Variants in MACC1 observed in about 807,000 individuals in gnomAD.
MACC1 encodes MET transcriptional regulator MACC1.
Under a neutral mutation model 70.7 loss-of-function variants are expected in MACC1, and 79 were observed. That is an observed-to-expected ratio of 1.12 (90% CI 0.93 to 1.35). The LOEUF (loss-of-function observed/expected upper bound fraction) is 1.35. Ranked by LOEUF, MACC1 falls within the 40% of genes most tolerant of loss-of-function variation. The pLI is 0.00. For synonymous variants in MACC1, 361 were observed against 347.2 expected (o/e 1.04, Z -0.44); for missense variants, 1,106 against 978.1 (o/e 1.13, Z -1.74).
chr7:20,202,430 C>G (rs1371868030), intron 1 of MACC1, among the ~76,000 whole-genome samples: 1 of 152,158 alleles, frequency 6.6e-6, no homozygotes, highest in African/African-American at 2.4e-5. Context: ...GTGGTTGATA[C>G]ATTTCATACT....
chr7:20,146,792 T>C (rs564206276), intron 6 of MACC1, among the ~76,000 whole-genome samples: 1 of 152,236 alleles, frequency 6.6e-6, no homozygotes, highest in Admixed American at 6.5e-5. Context: ...GTTAAATTAT[T>C]CTTAACCACA....
At chr7:20,169,334 T>C (rs1782266750) in intron 2 of MACC1, among the ~76,000 whole-genome samples, 1 of 152,234 alleles carries the variant, frequency 6.6e-6, no homozygotes, top group Non-Finnish European at 1.5e-5. Context: ...TGTGTAGTTA[T>C]GGACCTGCAG....
chr7:20,205,599 C>G (rs902932875), intron 1 of MACC1, among the ~76,000 whole-genome samples: 1 of 152,156 alleles, frequency 6.6e-6, no homozygotes, highest in African/African-American at 2.4e-5. Flanking sequence ...TAATATTCTC[C>G]TTATTTTCCT....
chr7:20,165,753 G>A (rs1335792883), intron 2 of MACC1, among the ~76,000 whole-genome samples: 1 of 151,996 alleles, frequency 6.6e-6, no homozygotes, highest in Non-Finnish European at 1.5e-5. Flanking sequence ...ATGAGTAAAT[G>A]AGAATAGAGT....
At chr7:20,157,766 C>CAAAAAA (rs370288319) in intron 5 of MACC1, among the ~76,000 whole-genome samples, 1 of 53,898 alleles carries the variant, frequency 1.9e-5, no homozygotes. Flanking sequence ...GACTTTGTCT[C>CAAAAAA]AAAAAAAAAA....
intron 1 of MACC1, among the ~76,000 whole-genome samples, chr7:20,191,788 G>A (rs548034788): frequency 1.3e-5 from 2 of 152,136 alleles, no homozygotes; most frequent in East Asian, 3.8e-4. Flanking sequence ...AATCTGTGCG[G>A]TATCAGAAAC....
intron 1 of MACC1, among the ~76,000 whole-genome samples, chr7:20,200,899 C>T (rs1302553159): frequency 6.6e-6 from 1 of 152,224 alleles, no homozygotes; most frequent in Non-Finnish European, 1.5e-5. Flanking sequence ...CACTGCTGCA[C>T]ATTTTTAATA....
In MACC1 at chr7:20,159,626, T is replaced by C; in HGVS notation, c.735A>G (p.Glu245=). 6.2e-7 allele frequency: 1 copy of C among 1,614,160 alleles called. No individual in the cohort carries two copies. Among genetic ancestry groups the C allele is most frequent in the South Asian group, 1.1e-5 (1 of 91,076 alleles). ...HVPQGHVAVG[E]FQEVSLRAFL... ...AAGCCCTTAGAGACACCTCTTGGAA[T>C]TCTCCCACAGCCACATGACCTTGGG... The change falls in exon 5 of 7, where the codon GAA becomes GAG. Residue 245 remains glutamate, a synonymous_variant. Coordinates refer to ENST00000400331, the MANE Select transcript of MACC1 (RefSeq NM_182762.4).
intron 1 of MACC1, among the ~76,000 whole-genome samples, chr7:20,196,632 T>C (rs1274555494): frequency 6.6e-6 from 1 of 152,024 alleles, no homozygotes; most frequent in Non-Finnish European, 1.5e-5. Context: ...TATGCATGCA[T>C]GTGTGTATGT....
At chr7:20,165,055 T>C (rs1325538340) in intron 2 of MACC1, among the ~76,000 whole-genome samples, 1 of 152,174 alleles carries the variant, frequency 6.6e-6, no homozygotes, top group Non-Finnish European at 1.5e-5. Context: ...AGCTATGACC[T>C]TGAAGGATCA....
intron 1 of MACC1, among the ~76,000 whole-genome samples, chr7:20,191,498 G>A (rs1273384008): frequency 6.6e-6 from 1 of 152,176 alleles, no homozygotes; most frequent in African/African-American, 2.4e-5. Flanking sequence ...CTCTGTAGGA[G>A]TTGGTGCTAT....
At chr7:20,184,723 C>G (rs1197403209) in intron 1 of MACC1, among the ~76,000 whole-genome samples, 4 of 152,198 alleles carry the variant, frequency 2.6e-5, no homozygotes, top group Non-Finnish European at 4.4e-5. Flanking sequence ...TTAAACAACA[C>G]TCTTTACTCT....
chr7:20,200,591 G>C (rs1782819892), intron 1 of MACC1, among the ~76,000 whole-genome samples: 1 of 152,216 alleles, frequency 6.6e-6, no homozygotes, highest in Non-Finnish European at 1.5e-5. Context: ...GAGAGACAGA[G>C]TGATGTAATT....
At position 20,217,328 on chromosome 7, in the gene MACC1, G is replaced by C. The variant is rs181670505; in HGVS notation, c.-247C>G. On this transcript the variant is annotated 5_prime_UTR_variant, in exon 1 of 7. Transcript: ENST00000400331. ...GTGGAAGTGAGCCCAAGCTTCTTCA[G>C]TTCAGACACATGGTTTTAGTGAATA... 2 of 152,204 alleles carry C rather than the reference G, an allele frequency of 1.3e-5. No homozygotes were observed. Among genetic ancestry groups the C allele is most frequent in the Non-Finnish European group, 2.9e-5 (2 of 68,040 alleles). 9.4% of individuals were successfully genotyped at this position (152,204 alleles called of 1,614,324 possible).
chr7:20,191,082 G>A (rs750292866), intron 1 of MACC1, among the ~76,000 whole-genome samples: 1 of 152,152 alleles, frequency 6.6e-6, no homozygotes, highest in East Asian at 1.9e-4. Flanking sequence ...AAGACTAGCA[G>A]TAACATAGCA....
intron 1 of MACC1, among the ~76,000 whole-genome samples, chr7:20,209,200 G>A (rs1782958452): frequency 6.6e-6 from 1 of 152,242 alleles, no homozygotes; most frequent in African/African-American, 2.4e-5. Context: ...GCACTGCCCA[G>A]TGGAGCTGTG....
chr7:20,182,085 G>T (rs867056079), intron 1 of MACC1, among the ~76,000 whole-genome samples: 1 of 149,356 alleles, frequency 6.7e-6, no homozygotes, highest in African/African-American at 2.5e-5. Flanking sequence ...GCAAACTATC[G>T]CAAGGACAAA....
chr7:20,175,914 T>C (rs748527911), intron 1 of MACC1, among the ~76,000 whole-genome samples: 3 of 152,134 alleles, frequency 2.0e-5, no homozygotes, highest in Non-Finnish European at 4.4e-5. Flanking sequence ...ATTTCCATTG[T>C]AGGCTACAAA....
intron 1 of MACC1, among the ~76,000 whole-genome samples, chr7:20,171,586 GTT>G (rs58352135): frequency 7.7e-6 from 1 of 129,608 alleles, no homozygotes; most frequent in Non-Finnish European, 1.7e-5. Flanking sequence ...AATTATATCT[GTT>G]TTTTTTTTTT....
Sources: allele counts gnomAD v4.1 joint callset (sites outside exome capture counted in the v4.1 genomes callset), GRCh38; gene constraint gnomAD v4.1.1; transcripts MANE v1.5; gene names NCBI Gene and HGNC (gene_info 2026-07-23, HGNC 2026-07-21).